PIK3C2G: variants seen among roughly 807,000 people sequenced by gnomAD.
PIK3C2G encodes the protein phosphatidylinositol 3-kinase C2 domain-containing subunit gamma.
In PIK3C2G, 168 loss-of-function variants were observed where a neutral mutation model predicts 181.1. The observed-to-expected ratio is 0.93, with a 90% confidence interval of 0.82 to 1.05. The LOEUF is 1.05. Among genes scored for constraint, PIK3C2G ranks in the 50% least tolerant of loss-of-function variants. The pLI is 0.00. For synonymous variants in PIK3C2G, 573 were observed against 592.2 expected, an observed-to-expected ratio of 0.97 and a Z score of 0.47; for missense variants, 1,869 against 1,732.8, an observed-to-expected ratio of 1.08 and a Z score of -1.40.
intron 8 of PIK3C2G, among the ~76,000 whole-genome samples, chr12:18,335,001 T>C (rs1938387960): frequency 6.6e-6 from 1 of 152,134 alleles, no homozygotes; most frequent in African/African-American, 2.4e-5. Flanking sequence ...AAATTCCTAC[T>C]ATGAGTAGTA....
intron 18 of PIK3C2G, among the ~76,000 whole-genome samples, chr12:18,445,280 A>G (rs148153188): frequency 4.4e-4 from 67 of 152,276 alleles, no homozygotes; most frequent in African/African-American, 1.5e-3. Flanking sequence ...CTACAAACCC[A>G]TAAAAGTGGT....
intron 5 of PIK3C2G, among the ~76,000 whole-genome samples, chr12:18,308,220 C>G (rs1340305013): frequency 4.6e-5 from 7 of 151,720 alleles, no homozygotes; most frequent in Non-Finnish European, 7.4e-5. Context: ...ATTAGAAACT[C>G]TAACGTCCTT....
intron 31 of PIK3C2G, among the ~76,000 whole-genome samples, chr12:18,616,748 C>T (rs1181433773): frequency 6.6e-6 from 1 of 151,702 alleles, no homozygotes; most frequent in Non-Finnish European, 1.5e-5. Context: ...ACAAAAGAAG[C>T]AATAAAGAAC....
At chr12:18,566,672 T>C (rs1195312922) in intron 28 of PIK3C2G, among the ~76,000 whole-genome samples, 1 of 152,082 alleles carries the variant, frequency 6.6e-6, no homozygotes, top group African/African-American at 2.4e-5. Context: ...AAAGACAAAA[T>C]GTGTGGTCTG....
chr12:18,723,289 A>G, the PIK3C2G span: 1 of 1,581,082 alleles, frequency 6.3e-7, no homozygotes. Context: ...TATTCCGATA[A>G]AAGTTTGAAA....
At position 18,454,476 on chromosome 12, in the gene PIK3C2G, G is replaced by A. The variant is rs1331931923; in HGVS notation, c.2504+30437G>A. Among the ~76,000 whole-genome samples the A allele has an allele frequency of 2.0e-5, 3 of 152,130 alleles. No homozygotes were observed. In the East Asian group the frequency reaches 5.8e-4, roughly 29 times the overall value. On this transcript the variant is annotated intron_variant, in intron 18 of 32. Transcript: ENST00000538779. The stretch of plus-strand genomic sequence containing the variant: ...AGTGTGCTTAGCAATGTAGGGAAGT[G>A]TGAAAAGCCAGTGTAGTCACGTGAG...
the PIK3C2G span, among the ~76,000 whole-genome samples, chr12:18,710,761 C>T: frequency 6.6e-6 from 1 of 152,056 alleles, no homozygotes; most frequent in Non-Finnish European, 1.5e-5. Context: ...GACATTTATG[C>T]AGCCAAAAAA....
intron 25 of PIK3C2G, among the ~76,000 whole-genome samples, chr12:18,546,069 C>A (rs1197336734): frequency 6.6e-6 from 1 of 151,822 alleles, no homozygotes; most frequent in Non-Finnish European, 1.5e-5. Flanking sequence ...GAGAATAAAA[C>A]TGAATTATTA....
upstream of PIK3C2G, among the ~76,000 whole-genome samples, chr12:18,246,773 G>C (rs1277885500): frequency 6.6e-6 from 1 of 152,160 alleles, no homozygotes. Context: ...CAGTCATTCA[G>C]ACTGGAATTG....
upstream of PIK3C2G, among the ~76,000 whole-genome samples, chr12:18,259,010 T>C (rs375848839): frequency 6.6e-5 from 10 of 152,272 alleles, no homozygotes; most frequent in East Asian, 1.4e-3. Flanking sequence ...GGCAGTTTCC[T>C]ATATTTGAAA....
At chr12:18,607,894 TA>T (rs1229451293) in intron 30 of PIK3C2G, among the ~76,000 whole-genome samples, 1 of 151,994 alleles carries the variant, frequency 6.6e-6, no homozygotes, top group Non-Finnish European at 1.5e-5. Context: ...GCGAAGAATA[TA>T]AATAAGACAC....
intron 26 of PIK3C2G, among the ~76,000 whole-genome samples, chr12:18,557,695 A>C (rs1401882934): frequency 6.6e-6 from 1 of 152,146 alleles, no homozygotes; most frequent in Non-Finnish European, 1.5e-5. Context: ...GACTGTGTAC[A>C]TACAAATTTC....
chr12:18,288,316 T>G (rs946581556), intron 3 of PIK3C2G, among the ~76,000 whole-genome samples: 6 of 152,222 alleles, frequency 3.9e-5, no homozygotes, highest in Non-Finnish European at 5.9e-5. Flanking sequence ...TTTGAATCAT[T>G]TATTTAATCA....
At chr12:18,663,370 T>C in the PIK3C2G span, among the ~76,000 whole-genome samples, 2 of 152,262 alleles carry the variant, frequency 1.3e-5, no homozygotes, top group East Asian at 3.9e-4. Flanking sequence ...TAGCACTTTT[T>C]CCTAAACAAT....
At chr12:18,450,052 G>A (rs966608866) in intron 18 of PIK3C2G, among the ~76,000 whole-genome samples, 4 of 152,004 alleles carry the variant, frequency 2.6e-5, no homozygotes, top group African/African-American at 9.7e-5. Flanking sequence ...TTTTTTTCAC[G>A]TTTTTTGGCC....
Position 18,381,927 on chromosome 12 carries a change from T to C in PIK3C2G, c.1995+47T>C, listed in dbSNP as rs775735850. 5.4e-6 allele frequency: 6 copies of C among 1,107,688 alleles called. No homozygotes were observed. The South Asian group carries it at 7.4e-5, about 14-fold the overall frequency. 68.6% of individuals were successfully genotyped at this position (1,107,688 alleles called of 1,614,324 possible). ...TAAAGTACACATGGCAAGTATTGGTTGATACGTAGTTTGTTGTCAATTATA... is the reference window on the plus strand; with the variant it reads ...TAAAGTACACATGGCAAGTATTGGTCGATACGTAGTTTGTTGTCAATTATA... On this transcript the variant is annotated intron_variant, in intron 14 of 32. Transcript: ENST00000538779.
At chr12:18,431,544 A>G (rs1946159791) in intron 18 of PIK3C2G, among the ~76,000 whole-genome samples, 1 of 152,200 alleles carries the variant, frequency 6.6e-6, no homozygotes, top group Admixed American at 6.5e-5. Context: ...ATAAAGGCTT[A>G]CAAATGAATA....
At chr12:18,417,111 G>A (rs1250948844) in intron 16 of PIK3C2G, among the ~76,000 whole-genome samples, 2 of 152,194 alleles carry the variant, frequency 1.3e-5, no homozygotes, top group Non-Finnish European at 2.9e-5. Context: ...CAGGTCTTCA[G>A]TGGAGGAAGG....
chr12:18,653,441 C>T, the PIK3C2G span, among the ~76,000 whole-genome samples: 28 of 152,184 alleles, frequency 1.8e-4, no homozygotes, highest in African/African-American at 6.8e-4. Context: ...GGCCAAGTCT[C>T]ACCTGCTAGG....
Sources: allele counts gnomAD v4.1 joint callset (sites outside exome capture counted in the v4.1 genomes callset), GRCh38; gene constraint gnomAD v4.1.1; transcripts MANE v1.5; gene names NCBI Gene and HGNC (gene_info 2026-07-23, HGNC 2026-07-21).